FOXP1: variants seen among roughly 807,000 people sequenced by gnomAD.
FOXP1 encodes forkhead box P1.
Under a neutral mutation model 98.2 loss-of-function variants are expected in FOXP1, and 15 were observed. That is an observed-to-expected ratio of 0.15 (90% CI 0.10 to 0.24). The LOEUF (loss-of-function observed/expected upper bound fraction) is 0.24. FOXP1 is among the 10% of genes least tolerant of loss of function. The pLI is 1.00. For synonymous variants in FOXP1, 371 were observed against 314.5 expected, an observed-to-expected ratio of 1.18 and a Z score of -1.90; for missense variants, 633 against 848.5, an observed-to-expected ratio of 0.75 and a Z score of 3.15.
intron 2 of FOXP1, among the ~76,000 whole-genome samples, chr3:71,524,775 A>G (rs1212586460): frequency 1.3e-5 from 2 of 152,248 alleles, no homozygotes; most frequent in Admixed American, 6.5e-5. Flanking sequence ...ACTAGGCAGT[A>G]ATCAGAAAAT....
intron 4 of FOXP1, among the ~76,000 whole-genome samples, chr3:71,313,828 T>C (rs2074884280): frequency 6.6e-6 from 1 of 152,018 alleles, no homozygotes; most frequent in Non-Finnish European, 1.5e-5. Context: ...CCCGGTCGAG[T>C]ATCTGTATTT....
At chr3:71,239,271 C>T (rs766762764) in intron 5 of FOXP1, among the ~76,000 whole-genome samples, 29 of 152,138 alleles carry the variant, frequency 1.9e-4, no homozygotes, top group Non-Finnish European at 4.0e-4. Flanking sequence ...TGCCCAGGCA[C>T]GGTGGCTCAT....
intron 7 of FOXP1, among the ~76,000 whole-genome samples, chr3:71,102,358 C>T (rs1403756129): frequency 6.6e-6 from 1 of 152,194 alleles, no homozygotes; most frequent in Non-Finnish European, 1.5e-5. Flanking sequence ...TTTTGTTACA[C>T]AAGCATGCTA....
chr3:71,465,870 C>T (rs150988370), intron 3 of FOXP1, among the ~76,000 whole-genome samples: 6 of 152,208 alleles, frequency 3.9e-5, no homozygotes, highest in African/African-American at 1.2e-4. Flanking sequence ...CACAGGAGGG[C>T]GAACCCTATT....
chr3:71,224,755 C>A (rs2065698432), intron 5 of FOXP1, among the ~76,000 whole-genome samples: 1 of 152,172 alleles, frequency 6.6e-6, no homozygotes, highest in African/African-American at 2.4e-5. Flanking sequence ...GAGTTGCCAG[C>A]ATCAAATTAG....
intron 6 of FOXP1, among the ~76,000 whole-genome samples, chr3:71,183,333 A>C (rs1283102942): frequency 2.0e-5 from 3 of 152,160 alleles, no homozygotes; most frequent in African/African-American, 7.2e-5. Flanking sequence ...GTCTCTACTA[A>C]AAATACAAAA....
At chr3:71,541,291 T>C (rs578205253) in intron 2 of FOXP1, among the ~76,000 whole-genome samples, 14 of 152,328 alleles carry the variant, frequency 9.2e-5, no homozygotes, top group Admixed American at 3.9e-4. Context: ...TATGTAGACA[T>C]ACCCTAGAAG....
At chr3:71,527,606 CT>C (rs1443709106) in intron 2 of FOXP1, among the ~76,000 whole-genome samples, 1 of 152,198 alleles carries the variant, frequency 6.6e-6, no homozygotes, top group African/African-American at 2.4e-5. Flanking sequence ...CCATCCATGA[CT>C]AAAAGGAGAG....
At chr3:71,262,550 C>G (rs987749549) in intron 5 of FOXP1, among the ~76,000 whole-genome samples, 7 of 151,788 alleles carry the variant, frequency 4.6e-5, no homozygotes, top group Non-Finnish European at 1.0e-4. Flanking sequence ...GTCAGCAGAT[C>G]AAAAGCATCA....
intron 6 of FOXP1, among the ~76,000 whole-genome samples, chr3:71,151,054 A>G (rs2060547814): frequency 6.6e-6 from 1 of 152,202 alleles, no homozygotes; most frequent in Admixed American, 6.5e-5. Flanking sequence ...GTTTAAGAGC[A>G]CTGGCTTTAG....
chr3:71,314,384 T>C (rs1458260721), intron 4 of FOXP1, among the ~76,000 whole-genome samples: 1 of 151,882 alleles, frequency 6.6e-6, no homozygotes, highest in Non-Finnish European at 1.5e-5. Flanking sequence ...AAAAATTAGC[T>C]GGGTGTGGTG....
At chr3:71,072,874 C>G (rs891317966) in intron 7 of FOXP1, among the ~76,000 whole-genome samples, 1 of 152,212 alleles carries the variant, frequency 6.6e-6, no homozygotes, top group Non-Finnish European at 1.5e-5. Flanking sequence ...AAGGTTTAGA[C>G]TGGATTGCAA....
intron 2 of FOXP1, among the ~76,000 whole-genome samples, chr3:71,520,887 C>A (rs1262462208): frequency 6.6e-6 from 1 of 152,114 alleles, no homozygotes; most frequent in African/African-American, 2.4e-5. Flanking sequence ...TCCCTGACAC[C>A]CACGCTGAGC....
intron 7 of FOXP1, among the ~76,000 whole-genome samples, chr3:71,081,095 C>T (rs1006861274): frequency 1.3e-5 from 2 of 152,184 alleles, no homozygotes; most frequent in African/African-American, 2.4e-5. Context: ...TACTGCTTAA[C>T]GCTAAGTGTT....
At chr3:71,427,917 C>T (rs936949131) in intron 3 of FOXP1, among the ~76,000 whole-genome samples, 6 of 151,826 alleles carry the variant, frequency 4.0e-5, no homozygotes, top group African/African-American at 1.5e-4. Flanking sequence ...AGGGGGGATT[C>T]TTTGTGAAAA....
At chr3:71,218,191 G>A (rs745853280) in intron 5 of FOXP1, among the ~76,000 whole-genome samples, 2 of 152,226 alleles carry the variant, frequency 1.3e-5, no homozygotes, top group East Asian at 1.9e-4. Context: ...CTCATTTCCC[G>A]TGAACTCACA....
intron 3 of FOXP1, among the ~76,000 whole-genome samples, chr3:71,449,187 A>T (rs762981162): frequency 3.9e-5 from 6 of 152,184 alleles, no homozygotes; most frequent in Non-Finnish European, 8.8e-5. Context: ...TACTTGGGTC[A>T]AGGTTTTTCT....
chr3:71,499,418 A>G (rs2041163952), intron 2 of FOXP1, among the ~76,000 whole-genome samples: 1 of 152,254 alleles, frequency 6.6e-6, no homozygotes, highest in Non-Finnish European at 1.5e-5. Flanking sequence ...TAATATACGT[A>G]TGTATATACA....
chr3:71,367,951 C>A (rs2079033453), intron 3 of FOXP1, among the ~76,000 whole-genome samples: 1 of 152,036 alleles, frequency 6.6e-6, no homozygotes, highest in Admixed American at 6.6e-5. Flanking sequence ...CAGATATTGT[C>A]CTGTGAGAGC....
Sources: gnomAD v4.1 joint callset for allele counts (sites outside exome capture counted in the v4.1 genomes callset) on GRCh38, gnomAD v4.1.1 for gene constraint, MANE v1.5 for transcripts, NCBI Gene and HGNC (gene_info 2026-07-23, HGNC 2026-07-21) for gene names.